Variants in THSD4 observed in about 807,000 individuals in gnomAD.
The protein encoded by THSD4 is thrombospondin type 1 domain containing 4.
THSD4 carries 69 observed loss-of-function variants against 119.0 expected under a neutral mutation model. The observed-to-expected ratio is 0.58, with a 90% CI of 0.48 to 0.71. The LOEUF is 0.71. Among genes scored for constraint, THSD4 ranks in the 30% least tolerant of loss-of-function variants. The pLI, the probability that THSD4 is intolerant of heterozygous loss-of-function variation, is 0.00. For synonymous variants in THSD4, 524 were observed against 540.4 expected (o/e 0.97, Z 0.42); for missense variants, 1,393 against 1,391.1 (o/e 1.00, Z -0.02).
At chr15:71,257,692 T>TG (rs1277993940) in intron 6 of THSD4, among the ~76,000 whole-genome samples, 1 of 152,090 alleles carries the variant, frequency 6.6e-6, no homozygotes, top group African/African-American at 2.4e-5. Flanking sequence ...TAGAGGCCCT[T>TG]GGGGAGGAGG....
chr15:71,202,679 C>T (rs1278959562), intron 3 of THSD4, among the ~76,000 whole-genome samples: 1 of 152,052 alleles, frequency 6.6e-6, no homozygotes, highest in Non-Finnish European at 1.5e-5. Context: ...GTAAAAAGCC[C>T]TTGAGGAATC....
At chr15:71,608,083 C>T (rs1464378864) in intron 7 of THSD4, among the ~76,000 whole-genome samples, 5 of 151,732 alleles carry the variant, frequency 3.3e-5, no homozygotes, top group Non-Finnish European at 5.9e-5. Context: ...ATTAGCGGGG[C>T]GTGGTGGCAG....
intron 7 of THSD4, among the ~76,000 whole-genome samples, chr15:71,498,794 C>T (rs2048066267): frequency 6.6e-6 from 1 of 151,972 alleles, no homozygotes; most frequent in South Asian, 2.1e-4. Context: ...CTCCTGGGCT[C>T]AAACAATCCT....
At chr15:71,425,398 C>G (rs1009719490) in intron 7 of THSD4, among the ~76,000 whole-genome samples, 1 of 152,154 alleles carries the variant, frequency 6.6e-6, no homozygotes, top group Admixed American at 6.5e-5. Context: ...TTTCCCTCTT[C>G]TGAGTTTATT....
intron 7 of THSD4, among the ~76,000 whole-genome samples, chr15:71,412,880 G>T (rs1302631148): frequency 6.6e-6 from 1 of 152,192 alleles, no homozygotes; most frequent in African/African-American, 2.4e-5. Flanking sequence ...TGAGGTATAT[G>T]TGATATTTTG....
intron 7 of THSD4, among the ~76,000 whole-genome samples, chr15:71,611,729 A>G (rs2050233128): frequency 6.6e-6 from 1 of 152,242 alleles, no homozygotes; most frequent in East Asian, 1.9e-4. Flanking sequence ...GTTGGAAATT[A>G]CAGGAGGCTT....
chr15:71,490,553 C>A (rs1180559506), intron 7 of THSD4, among the ~76,000 whole-genome samples: 2 of 99,622 alleles, frequency 2.0e-5, no homozygotes, highest in African/African-American at 7.5e-5. Context: ...GAGCAAGACT[C>A]CGTCTCAAAA....
rs932099293 is a variant in THSD4, at chr15:71,556,329, A to G, written c.1153-104201A>G. ...TTGACATTTTCTAATAAAGTTTTAC[A>G]ATTTTCTACACAAAGGTCTTATACA... On this transcript the variant is annotated intron_variant, in intron 7 of 17. Coordinates refer to ENST00000261862, the MANE Select transcript of THSD4 (RefSeq NM_024817.3). Among the ~76,000 whole-genome samples, 9 of 152,306 alleles carry G rather than the reference A, an allele frequency of 5.9e-5. No individual in the cohort carries two copies. The East Asian group carries it at 1.7e-3, about 29-fold the overall frequency.
At chr15:71,470,587 G>C (rs2047562634) in intron 7 of THSD4, among the ~76,000 whole-genome samples, 1 of 151,966 alleles carries the variant, frequency 6.6e-6, no homozygotes, top group Admixed American at 6.6e-5. Flanking sequence ...GTAGTGATTT[G>C]ATCAAGATCA....
intron 3 of THSD4, among the ~76,000 whole-genome samples, chr15:71,159,916 A>G (rs139036226): frequency 2.3e-4 from 35 of 152,196 alleles, no homozygotes; most frequent in Non-Finnish European, 3.4e-4. Flanking sequence ...AATTTATACT[A>G]TTCTGTATAC....
At chr15:71,242,600 G>T in intron 4 of THSD4, 49 bp from the exon 5 acceptor site, 1 of 1,577,686 alleles carries the variant, frequency 6.3e-7, no homozygotes, top group Non-Finnish European at 8.6e-7. Flanking sequence ...GAGTTAACAT[G>T]AAATTCATCC....
chr15:71,314,248 A>C (rs989841681), intron 6 of THSD4, among the ~76,000 whole-genome samples: 1 of 152,154 alleles, frequency 6.6e-6, no homozygotes, highest in Non-Finnish European at 1.5e-5. Context: ...ACTTATCTCA[A>C]AACTTAGCCT....
chr15:71,524,148 A>G (rs1322067566), intron 7 of THSD4, among the ~76,000 whole-genome samples: 1 of 152,202 alleles, frequency 6.6e-6, no homozygotes, highest in African/African-American at 2.4e-5. Context: ...AATATAAGTG[A>G]CGTTCAGAAA....
At chr15:71,734,768 A>T (rs1306176761) in intron 10 of THSD4, among the ~76,000 whole-genome samples, 1 of 150,038 alleles carries the variant, frequency 6.7e-6, no homozygotes, top group Non-Finnish European at 1.5e-5. Context: ...GGAACTCTGT[A>T]CTTCTACTCA....
rs528203511 is a variant in THSD4, at chr15:71,687,519, GC to G, written c.1357+26787del. Among the ~76,000 whole-genome samples, 317 of 152,230 alleles carry G rather than the reference GC, an allele frequency of 2.1e-3. 3 individuals carry two copies. Among genetic ancestry groups the G allele is most frequent in the African/African-American group, 7.2e-3 (298 of 41,538 alleles). On this transcript the variant is annotated intron_variant, in intron 8 of 17. Transcript: ENST00000261862. ...ACCGGTAATCCCAGCACTTTGGGGG[GC>G]CAAGGCGAGTGGATCACCTGAGCCA... is the stretch of plus-strand genomic sequence containing the variant.
intron 7 of THSD4, among the ~76,000 whole-genome samples, chr15:71,436,124 A>G (rs888969698): frequency 6.6e-6 from 1 of 152,192 alleles, no homozygotes; most frequent in African/African-American, 2.4e-5. Context: ...TCAGGGACCC[A>G]CAGCACAGTT....
intron 7 of THSD4, among the ~76,000 whole-genome samples, chr15:71,415,154 G>C (rs2046742716): frequency 6.6e-6 from 1 of 152,220 alleles, no homozygotes; most frequent in Non-Finnish European, 1.5e-5. Context: ...TGGCCACATA[G>C]AGTTGAAAGA....
At chr15:71,106,814 G>C (rs1294685981) in intron 1 of THSD4, among the ~76,000 whole-genome samples, 1 of 151,874 alleles carries the variant, frequency 6.6e-6, no homozygotes, top group Non-Finnish European at 1.5e-5. Flanking sequence ...CCTAGCACCA[G>C]TGGGAAGGAA....
At chr15:71,189,142 A>C (rs2043644795) in intron 3 of THSD4, 2 of 152,242 alleles carry the variant, frequency 1.3e-5, no homozygotes, top group South Asian at 2.1e-4. Context: ...GAGCATCTTC[A>C]TTTTGCAGAT....
Sources: gnomAD v4.1 joint callset for allele counts (sites outside exome capture counted in the v4.1 genomes callset) on GRCh38, gnomAD v4.1.1 for gene constraint, MANE v1.5 for transcripts, NCBI Gene and HGNC (gene_info 2026-07-23, HGNC 2026-07-21) for gene names.